The following SH2D2A variants were observed in gnomAD, a reference collection of about 807,000 sequenced individuals.
The protein encoded by SH2D2A is SH2 domain containing 2A, also known as SH2 domain-containing protein 2A.
SH2D2A carries 33 observed loss-of-function variants against 43.6 expected under a neutral mutation model. The observed-to-expected ratio is 0.76, with a 90% CI of 0.57 to 1.01. SH2D2A has a LOEUF of 1.01. Ranked by LOEUF, SH2D2A falls within the 50% of genes least tolerant of loss-of-function variation. The pLI is 0.00. For synonymous variants in SH2D2A, 212 were observed against 206.1 expected (o/e 1.03, Z -0.25); for missense variants, 491 against 503.1 (o/e 0.98, Z 0.23).
intron 5 of SH2D2A, among the ~76,000 whole-genome samples, chr1:156,813,581 A>C (rs959207776): frequency 7.9e-5 from 12 of 151,594 alleles, no homozygotes; most frequent in African/African-American, 2.9e-4. Context: ...CAAAACCCCA[A>C]ATGACTCTGT....
chr1:156,813,935 G>A lies in SH2D2A; in HGVS notation c.480C>T (p.His160=). ...GCAGCAGCAGGTCCTGCAGCCGCGC[G>A]TGGGCGCTGTCCTCGCCCAGCACCA... ...RHVVLGEDSA[H]ARLQDLLLHY... Residue 160 remains histidine, a synonymous_variant, in exon 5 of 9, where the codon CAC becomes CAT. Transcript: ENST00000368199. 1 of 1,535,028 alleles carries A rather than the reference G, an allele frequency of 6.5e-7. No individual in the cohort carries two copies. The highest frequency in any genetic ancestry group is 8.7e-7 in the Non-Finnish European group (1 of 1,144,510).
rs370836330 is a variant in SH2D2A at position 156,816,670 on chromosome 1, C to G, written c.34+5G>C. On this transcript the variant is annotated splice_donor_5th_base_variant and intron_variant, in intron 1 of 8. Coordinates refer to ENST00000368199, the MANE Select transcript of SH2D2A (RefSeq NM_003975.4). ...CCCACCCATATCCTTCAACTTCACA[C>G]TTACCTTGGGGACATATCTGGGCCA... 5.5e-5 allele frequency: 88 copies of G among 1,602,142 alleles called. No homozygotes were observed. In the African/African-American group the frequency reaches 1.1e-3, roughly 19 times the overall value.
In SH2D2A at chr1:156,813,860, G is replaced by A; in HGVS notation, c.555C>T (p.Pro185=). 6.7e-7 allele frequency: 1 copy of A among 1,497,690 alleles called. No individual in the cohort carries two copies. Among genetic ancestry groups the A allele is most frequent in the Non-Finnish European group, 8.9e-7 (1 of 1,124,130 alleles). The allele number at this position is 1,497,690 out of a possible 1,614,324, so 92.8% of individuals were successfully genotyped here. Residue 185 remains proline, a synonymous_variant, in exon 5 of 9, where the codon CCC becomes CCT. Coordinates refer to ENST00000368199, the MANE Select transcript of SH2D2A (RefSeq NM_003975.4). Reference sequence around the variant, plus strand: ...CTGGGGCGCGTACCTGTCGGGCGAGGGGCTCGGTGAGCGTCTCCCCGTAGG... The same window carrying A: ...CTGGGGCGCGTACCTGTCGGGCGAGAGGCTCGGTGAGCGTCTCCCCGTAGG... ...LSPYGETLTE[P]LARQTPEPAG... is the part of the protein sequence containing the mutation.
chr1:156,809,586 C>T lies in SH2D2A; in HGVS notation c.714+75G>A. On this transcript the variant is annotated intron_variant, in intron 6 of 8. Coordinates refer to ENST00000368199, the MANE Select transcript of SH2D2A (RefSeq NM_003975.4). This position sits in a 1 kb window ranked among gnomAD's most constrained non-coding sequence, Gnocchi z 4.8. ...AGCCTGAGCCTCTGCCCCCGCTAGG[C>T]CCCTCCTCCTCCCCGCTGCCTGCAC... is the stretch of plus-strand genomic sequence containing the variant. The T allele has an allele frequency of 2.6e-6, 4 of 1,558,784 alleles. No homozygotes were observed. The highest frequency in any genetic ancestry group is 2.2e-5 in the East Asian group (1 of 44,448).
Position 156,807,267 on chromosome 1 carries a change from C to A in SH2D2A, c.1081G>T (p.Ala361Ser). 1 of 258,244 alleles carries A rather than the reference C, an allele frequency of 3.9e-6. No homozygotes were observed. 16.0% of individuals were successfully genotyped at this position (258,244 alleles called of 1,614,324 possible). The part of the protein sequence containing the change: ...GPPLPHQPPP[A>S]WRHTLPHNLS... ...TTGTGGGGGAGGGTGTGTCTCCAGG[C>A]GGGTGGGGGCTGGTGGGGCAGGGGA... Residue 361 changes from alanine (A) to serine (S), a missense_variant, in exon 8 of 9, where the codon GCC (alanine) becomes TCC (serine). Physicochemically the swap from Ala to Ser is moderately conservative, Grantham distance 99 (BLOSUM62 1). Coordinates refer to ENST00000368199, the MANE Select transcript of SH2D2A (RefSeq NM_003975.4). The surrounding 1 kb of genome is among the most constrained non-coding windows in gnomAD (Gnocchi z 5.1).
chr1:156,816,155 C>A, intron 1 of SH2D2A, 61 bp from the exon 2 acceptor site: 1 of 1,538,170 alleles, frequency 6.5e-7, no homozygotes, highest in Non-Finnish European at 8.8e-7. Flanking sequence ...GTCTCTGCCT[C>A]CCACCCCTCC....
At chr1:156,815,497 G>A (rs142794136) in intron 2 of SH2D2A, 89 of 591,576 alleles carry the variant, frequency 1.5e-4, no homozygotes, top group African/African-American at 1.2e-3. Flanking sequence ...TAGGAGGGGC[G>A]GGAAAGGCAG....
chr1:156,815,549 G>T, intron 2 of SH2D2A: 1 of 607,978 alleles, frequency 1.6e-6, no homozygotes, highest in South Asian at 1.9e-5. Flanking sequence ...TGGCCTGGAG[G>T]ATGAAGAAAC....
chr1:156,816,013 T>C lies in SH2D2A; in HGVS notation c.116A>G (p.Tyr39Cys), dbSNP rs756122528. 1.2e-6 allele frequency: 2 copies of C among 1,613,886 alleles called. No homozygotes were observed. Among genetic ancestry groups the C allele is most frequent in the Non-Finnish European group, 1.7e-6 (2 of 1,179,914 alleles). The change falls in exon 2 of 9, where the codon TAC becomes TGC. Residue 39 changes from tyrosine (Y) to cysteine (C), a missense_variant. Transcript: ENST00000368199. The stretch of plus-strand genomic sequence containing the variant: ...CCCCAGGTTTCCACTCACCGCAGTG[T>C]AGCCCAGGTTCTGGCAGCTCCTGCG... ...MTRRSCQNLGYTAASPQAPEA... is the reference protein window; with the variant it reads ...MTRRSCQNLGCTAASPQAPEA...
Position 156,816,136 on chromosome 1 carries a change from A to G in SH2D2A, c.35-42T>C, listed in dbSNP as rs747400753. Reference sequence around the variant, plus strand: ...GGCTGCCGGGGTTTCTCAGAGAGGAACTATGTCTGTCTCTGCCTCCCACCC... The same window carrying G: ...GGCTGCCGGGGTTTCTCAGAGAGGAGCTATGTCTGTCTCTGCCTCCCACCC... On this transcript the variant is annotated intron_variant, in intron 1 of 8. Coordinates refer to ENST00000368199, the MANE Select transcript of SH2D2A (RefSeq NM_003975.4). The G allele has an allele frequency of 9.5e-6, 15 of 1,581,566 alleles. 1 individual carries two copies. The South Asian group carries it at 1.1e-4, about 11-fold the overall frequency.
At chr1:156,808,852 C>T (rs1283919528) in intron 7 of SH2D2A, among the ~76,000 whole-genome samples, 1 of 152,102 alleles carries the variant, frequency 6.6e-6, no homozygotes, top group Non-Finnish European at 1.5e-5. Context: ...TGGGGTCAGC[C>T]CCAGGTGCGT....
At chr1:156,814,086 C>A (rs1315901218) in intron 4 of SH2D2A, 70 bp from the exon 5 acceptor site, 1 of 1,501,178 alleles carries the variant, frequency 6.7e-7, no homozygotes, top group African/African-American at 1.4e-5. Flanking sequence ...GAGGCGTGAT[C>A]CCCACCTTCA....
intron 5 of SH2D2A, among the ~76,000 whole-genome samples, chr1:156,810,672 C>G (rs993920248): frequency 2.0e-5 from 3 of 152,146 alleles, no homozygotes; most frequent in Non-Finnish European, 1.5e-5. Context: ...AGGCGCCCAC[C>G]ACCACACCCA....
chr1:156,816,140 T>A (rs1377624612), intron 1 of SH2D2A, 46 bp from the exon 2 acceptor site: 2 of 1,568,630 alleles, frequency 1.3e-6, no homozygotes, highest in Non-Finnish European at 1.7e-6. Context: ...AGAGGAACTA[T>A]GTCTGTCTCT....
rs1292546217 is a variant in SH2D2A at position 156,809,907 on chromosome 1, A to G, written c.568-100T>C. The G allele has an allele frequency of 2.2e-6, 3 of 1,346,386 alleles. No individual in the cohort carries two copies. In the Admixed American group the frequency reaches 6.3e-5, roughly 28 times the overall value. 83.4% of individuals were successfully genotyped at this position (1,346,386 alleles called of 1,614,324 possible). A position where few individuals can be genotyped will look rare whatever the true frequency, so the allele number is the denominator to read the frequency against. ...ATCCAGTCTAAGTGGAGGATGGGGG[A>G]AGGGGGAGGAGCACAGAAATTTGGC... On this transcript the variant is annotated intron_variant, in intron 5 of 8. Coordinates refer to ENST00000368199, the MANE Select transcript of SH2D2A (RefSeq NM_003975.4). This position sits in a 1 kb window ranked among gnomAD's most constrained non-coding sequence, Gnocchi z 4.8.
At chr1:156,815,372 A>G (rs1248004235) in intron 2 of SH2D2A, 151 bp from the exon 3 acceptor site, 8 of 620,748 alleles carry the variant, frequency 1.3e-5, no homozygotes, top group Non-Finnish European at 1.9e-5. Context: ...CCTAAAGTCT[A>G]ACTTAAATCC....
At position 156,807,965 on chromosome 1, in the gene SH2D2A, G is replaced by T. The variant is rs957467798; in HGVS notation, c.1003-620C>A. Among the ~76,000 whole-genome samples, 3 of 152,196 alleles carry T rather than the reference G, an allele frequency of 2.0e-5. No individual in the cohort carries two copies. The highest frequency in any genetic ancestry group is 6.5e-5 in the Admixed American group (1 of 15,280). ...CATTCTGGCTCTTTGGTGCAGAGTG[G>T]ATCAGAAGTGGCAAGAATGGTGGTT... On this transcript the variant is annotated intron_variant, in intron 7 of 8. Coordinates refer to ENST00000368199, the MANE Select transcript of SH2D2A (RefSeq NM_003975.4). The surrounding 1 kb of genome is among the most constrained non-coding windows in gnomAD (Gnocchi z 5.1).
chr1:156,815,824 C>CA, intron 2 of SH2D2A, 182 bp downstream of exon 2: 1 of 1,614,108 alleles, frequency 6.2e-7, no homozygotes, highest in Non-Finnish European at 8.5e-7. Flanking sequence ...GTGGGCAACT[C>CA]GGCGCATGAA....
chr1:156,813,733 G>T, intron 5 of SH2D2A, 115 bp downstream of exon 5: 1 of 1,011,118 alleles, frequency 9.9e-7, no homozygotes, highest in Non-Finnish European at 1.3e-6. Context: ...AGGCATGCCC[G>T]AGTGGTGTTT....
Sources: gnomAD v4.1 joint callset for allele counts (sites outside exome capture counted in the v4.1 genomes callset) on GRCh38, gnomAD v4.1.1 for gene constraint, Gnocchi (gnomAD v3.1) non-coding constraint, MANE v1.5 for transcripts, NCBI Gene and HGNC (gene_info 2026-07-23, HGNC 2026-07-21) for gene names.